RALYL: variants seen among roughly 807,000 people sequenced by gnomAD.
RALYL encodes the protein RALY RNA binding protein like, also known as RNA-binding Raly-like protein.
Under a neutral mutation model 35.1 loss-of-function variants are expected in RALYL, and 29 were observed. The ratio of observed to expected loss-of-function variants is 0.83; its 90% confidence interval spans 0.61 to 1.13. RALYL has a LOEUF of 1.13. RALYL is among the 50% of genes most tolerant of loss of function. The pLI, the probability that RALYL is intolerant of heterozygous loss-of-function variation, is 0.00. For missense variants in RALYL, 359 were observed against 360.4 expected, an observed-to-expected ratio of 1.00 and a Z score of 0.03; for synonymous variants, 120 against 127.6, an observed-to-expected ratio of 0.94 and a Z score of 0.40.
At chr8:84,224,737 A>G (rs1823412481) in intron 1 of RALYL, among the ~76,000 whole-genome samples, 1 of 151,596 alleles carries the variant, frequency 6.6e-6, no homozygotes, top group Non-Finnish European at 1.5e-5. Flanking sequence ...GCTCACCACA[A>G]CCTCTACCTC....
At chr8:84,376,459 C>A (rs187916976) in intron 1 of RALYL, among the ~76,000 whole-genome samples, 1 of 151,888 alleles carries the variant, frequency 6.6e-6, no homozygotes, top group East Asian at 1.9e-4. Context: ...CACTTACCTG[C>A]CTGTAGCAGA....
At chr8:84,521,350 T>A (rs1172640345) in intron 1 of RALYL, among the ~76,000 whole-genome samples, 1 of 152,264 alleles carries the variant, frequency 6.6e-6, no homozygotes, top group Non-Finnish European at 1.5e-5. Context: ...ATTTCTGTTA[T>A]TTAAGCTACT....
At position 84,265,140 on chromosome 8, in the gene RALYL, G is replaced by A. The variant is rs927336649; in HGVS notation, c.-24+80716G>A. 5.9e-5 allele frequency among the ~76,000 whole-genome samples: 9 copies of A among 152,240 alleles called. 1 individual carries two copies. In the Middle Eastern group the frequency reaches 0.01, roughly 173 times the overall value. On this transcript the variant is annotated intron_variant, in intron 1 of 8. Transcript: ENST00000521268. ...AATCTTTTTCATAGTCCTTGTTGGT[G>A]TACACATATTAACAGCCCCCTAAAG...
chr8:84,863,683 C>G (rs566173310), intron 6 of RALYL, among the ~76,000 whole-genome samples: 3 of 152,244 alleles, frequency 2.0e-5, no homozygotes, highest in African/African-American at 7.2e-5. Flanking sequence ...TATTGAAACA[C>G]TTTGTTTTTA....
intron 2 of RALYL, among the ~76,000 whole-genome samples, chr8:84,732,931 C>T (rs1846521080): frequency 6.6e-6 from 1 of 151,624 alleles, no homozygotes; most frequent in Non-Finnish European, 1.5e-5. Context: ...TCCTGACCTC[C>T]AGTGACTACC....
intron 1 of RALYL, among the ~76,000 whole-genome samples, chr8:84,496,372 T>C (rs1202223273): frequency 6.6e-6 from 1 of 152,122 alleles, no homozygotes; most frequent in Non-Finnish European, 1.5e-5. Context: ...ACTGGGTGTT[T>C]AGTTTCAGAT....
At chr8:84,468,053 G>A (rs1308364963) in intron 1 of RALYL, among the ~76,000 whole-genome samples, 1 of 149,234 alleles carries the variant, frequency 6.7e-6, no homozygotes. Flanking sequence ...ATGTGAGATG[G>A]GTTTCCTGAA....
chr8:84,680,871 A>C (rs897858342), intron 2 of RALYL, among the ~76,000 whole-genome samples: 5 of 151,876 alleles, frequency 3.3e-5, no homozygotes, highest in African/African-American at 9.7e-5. Context: ...CCCATTTGTC[A>C]ATTTTGGCTT....
chr8:84,650,319 T>C (rs572518468), intron 2 of RALYL, among the ~76,000 whole-genome samples: 1,534 of 151,988 alleles, frequency 0.01, 29 homozygotes, highest in African/African-American at 0.034. Flanking sequence ...TGCAACCTAC[T>C]CATCTGACAA....
At chr8:84,390,243 C>A (rs1323231211) in intron 1 of RALYL, among the ~76,000 whole-genome samples, 1 of 152,092 alleles carries the variant, frequency 6.6e-6, no homozygotes, top group Non-Finnish European at 1.5e-5. Context: ...ATTCAGTTTG[C>A]CAGTATTTTA....
chr8:84,213,207 G>A (rs560479837), intron 1 of RALYL, among the ~76,000 whole-genome samples: 3 of 152,074 alleles, frequency 2.0e-5, no homozygotes, highest in Admixed American at 6.5e-5. Context: ...CCTGACCAAC[G>A]TGGTGAAACC....
At chr8:84,482,400 G>C (rs1211019746) in intron 1 of RALYL, among the ~76,000 whole-genome samples, 1 of 151,986 alleles carries the variant, frequency 6.6e-6, no homozygotes, top group Non-Finnish European at 1.5e-5. Flanking sequence ...TGATATTTTT[G>C]TGTGTTCATT....
chr8:84,521,858 C>T (rs144792344), intron 1 of RALYL, among the ~76,000 whole-genome samples: 1 of 152,176 alleles, frequency 6.6e-6, no homozygotes, highest in East Asian at 1.9e-4. Context: ...TTTCCAATTA[C>T]TTAATCTCAA....
At chr8:84,534,363 C>T (rs1341390659) in intron 2 of RALYL, among the ~76,000 whole-genome samples, 1 of 152,230 alleles carries the variant, frequency 6.6e-6, no homozygotes, top group Non-Finnish European at 1.5e-5. Flanking sequence ...GTGAAACCTA[C>T]TTGTGTCCCT....
intron 1 of RALYL, among the ~76,000 whole-genome samples, chr8:84,310,891 CAA>C (rs1563711808): frequency 7.0e-6 from 1 of 143,782 alleles, no homozygotes; most frequent in East Asian, 2.0e-4. Flanking sequence ...ACTAAAAATA[CAA>C]AAAATTAGCC....
At chr8:84,342,277 A>ATATATATATATATATATATATATATATAT (rs1848942440) in intron 1 of RALYL, among the ~76,000 whole-genome samples, 18 of 66,136 alleles carry the variant, frequency 2.7e-4, no homozygotes, top group African/African-American at 9.7e-4. Context: ...AGCATCGTTC[A>ATATATATATATATATATATATATATATAT]ATATATATAT....
intron 2 of RALYL, among the ~76,000 whole-genome samples, chr8:84,721,954 C>T (rs1843993793): frequency 6.6e-6 from 1 of 151,978 alleles, no homozygotes; most frequent in African/African-American, 2.4e-5. Flanking sequence ...TAAAAATGAC[C>T]TCATTTCCGA....
At chr8:84,206,634 G>A (rs1688912119) in intron 1 of RALYL, among the ~76,000 whole-genome samples, 1 of 152,120 alleles carries the variant, frequency 6.6e-6, no homozygotes, top group South Asian at 2.1e-4. Flanking sequence ...TAGGAATGAA[G>A]AGAAAGATTT....
intron 2 of RALYL, among the ~76,000 whole-genome samples, chr8:84,561,614 A>G (rs1425059920): frequency 6.6e-6 from 1 of 152,022 alleles, no homozygotes; most frequent in Non-Finnish European, 1.5e-5. Context: ...ATATGCCAGC[A>G]TCACTACTCT....
Sources: gnomAD v4.1 joint callset for allele counts (sites outside exome capture counted in the v4.1 genomes callset) on GRCh38, gnomAD v4.1.1 for gene constraint, MANE v1.5 for transcripts, NCBI Gene and HGNC (gene_info 2026-07-23, HGNC 2026-07-21) for gene names.